The following NEBL variants were observed in gnomAD, a reference collection of about 807,000 sequenced individuals.
NEBL encodes nebulette.
NEBL carries 122 observed loss-of-function variants against 140.2 expected under a neutral mutation model. That is an observed-to-expected ratio of 0.87 (90% confidence interval 0.75 to 1.01). NEBL has a LOEUF of 1.01. NEBL is among the 50% of genes least tolerant of loss of function. The probability of loss-of-function intolerance (pLI) is 0.00; values close to 1 mark genes in which losing one functional copy is unlikely to be tolerated. For synonymous variants in NEBL, 436 were observed against 398.9 expected (o/e 1.09, Z -1.11); for missense variants, 1,365 against 1,231.3 (o/e 1.11, Z -1.62).
chr10:21,155,779 G>C (rs539954410), intron 2 of NEBL, among the ~76,000 whole-genome samples: 1 of 152,296 alleles, frequency 6.6e-6, no homozygotes, highest in East Asian at 1.9e-4. Context: ...GAGGTGCGTT[G>C]GAAAAGCACT....
chr10:21,120,374 C>CA (rs1157067083), intron 2 of NEBL, among the ~76,000 whole-genome samples: 3,561 of 48,234 alleles, frequency 0.074, 160 homozygotes, highest in Non-Finnish European at 0.1. Context: ...GACTGTGTCT[C>CA]AAAAAAAAAA....
intron 4 of NEBL, among the ~76,000 whole-genome samples, chr10:20,909,150 C>CA (rs11410847): frequency 0.74 from 111,984 of 151,912 alleles, 41,522 homozygotes; most frequent in African/African-American, 0.81. Flanking sequence ...GAGTTACAAA[C>CA]ATCCAACTAC....
chr10:20,794,087 G>A (rs922508103), intron 26 of NEBL, among the ~76,000 whole-genome samples: 1 of 152,204 alleles, frequency 6.6e-6, no homozygotes, highest in Non-Finnish European at 1.5e-5. Context: ...TCCAAGTCAA[G>A]AGAAAGCTCA....
At chr10:20,829,353 G>A (rs980856994) in intron 16 of NEBL, among the ~76,000 whole-genome samples, 8 of 149,672 alleles carry the variant, frequency 5.3e-5, no homozygotes. Flanking sequence ...ACCAAACACT[G>A]CATATTCTCA....
chr10:20,845,593 T>G (rs1421708401), intron 11 of NEBL: 1 of 462,530 alleles, frequency 2.2e-6, no homozygotes, highest in African/African-American at 2.0e-5. Context: ...TAAATCATTC[T>G]AAGTGAGGCT....
chr10:21,093,325 C>T (rs1215931778), intron 2 of NEBL, among the ~76,000 whole-genome samples: 2 of 151,720 alleles, frequency 1.3e-5, no homozygotes, highest in African/African-American at 4.8e-5. Context: ...TATCATAGGA[C>T]CATGAGTTGG....
intron 1 of NEBL, among the ~76,000 whole-genome samples, chr10:21,278,820 G>A (rs923239619): frequency 1.3e-5 from 2 of 152,084 alleles, no homozygotes; most frequent in African/African-American, 4.8e-5. Context: ...TCTCTGCAGG[G>A]CCAAGGTTAG....
intron 3 of NEBL, among the ~76,000 whole-genome samples, chr10:20,972,736 A>G (rs1289721180): frequency 2.6e-5 from 4 of 151,718 alleles, no homozygotes; most frequent in African/African-American, 9.7e-5. Context: ...ACAGAGCAAC[A>G]CTCCATCTCA....
chr10:21,038,298 C>G (rs1355912633), intron 2 of NEBL, among the ~76,000 whole-genome samples: 1 of 152,150 alleles, frequency 6.6e-6, no homozygotes, highest in East Asian at 1.9e-4. Context: ...CACCTATCAA[C>G]CCGTTATCTA....
intron 4 of NEBL, among the ~76,000 whole-genome samples, chr10:20,907,106 A>G (rs557164110): frequency 9.1e-4 from 139 of 152,196 alleles, no homozygotes; most frequent in Non-Finnish European, 1.5e-3. Context: ...ACTGGAAATA[A>G]TTGGCTATTT....
At chr10:21,206,132 G>A (rs939131117) in intron 3 of NEBL, among the ~76,000 whole-genome samples, 1 of 152,120 alleles carries the variant, frequency 6.6e-6, no homozygotes, top group Admixed American at 6.5e-5. Context: ...AAAAAGTCCT[G>A]GCCAATAAAA....
At chr10:20,886,545 G>A (rs1241196438) in intron 4 of NEBL, among the ~76,000 whole-genome samples, 4 of 151,960 alleles carry the variant, frequency 2.6e-5, no homozygotes, top group African/African-American at 9.7e-5. Flanking sequence ...AGAAATTCTG[G>A]GGAAAGAAGT....
intron 3 of NEBL, among the ~76,000 whole-genome samples, chr10:21,189,320 C>T (rs942505776): frequency 6.6e-6 from 1 of 152,096 alleles, no homozygotes; most frequent in East Asian, 1.9e-4. Flanking sequence ...GATGCAACCA[C>T]AAGCCAAGGA....
chr10:21,100,067 A>T (rs1322922225), intron 2 of NEBL, among the ~76,000 whole-genome samples: 1 of 152,140 alleles, frequency 6.6e-6, no homozygotes, highest in Non-Finnish European at 1.5e-5. Flanking sequence ...AAACCCCAAA[A>T]CAGGGAGGGG....
At chr10:20,863,789 C>T (rs1324385429) in intron 7 of NEBL, among the ~76,000 whole-genome samples, 8 of 152,114 alleles carry the variant, frequency 5.3e-5, no homozygotes, top group African/African-American at 1.7e-4. Context: ...CACACATACA[C>T]GTATATATTA....
intron 2 of NEBL, among the ~76,000 whole-genome samples, chr10:21,076,710 A>G (rs145977923): frequency 1.3e-5 from 2 of 152,346 alleles, no homozygotes; most frequent in East Asian, 3.9e-4. Flanking sequence ...GATGCATACT[A>G]CAACATGGAT....
intron 3 of NEBL, among the ~76,000 whole-genome samples, chr10:21,184,361 A>G (rs16921657): frequency 3.9e-5 from 6 of 152,178 alleles, no homozygotes; most frequent in Admixed American, 3.3e-4. Flanking sequence ...TTTCACTGAA[A>G]GATCTGGAAA....
intron 13 of NEBL, 33 bp downstream of exon 13, chr10:20,840,704 CAT>C: frequency 1.5e-6 from 2 of 1,373,560 alleles, no homozygotes; most frequent in Non-Finnish European, 2.1e-6. Flanking sequence ...CAGCTAAAAA[CAT>C]ATTCATCTAA....
chr10:21,056,484 A>T (rs1225399982), intron 2 of NEBL, among the ~76,000 whole-genome samples: 1 of 152,242 alleles, frequency 6.6e-6, no homozygotes. Flanking sequence ...AGGAATCAGT[A>T]TATGTAGCCA....
Sources: gnomAD v4.1 joint callset for allele counts (sites outside exome capture counted in the v4.1 genomes callset) on GRCh38, gnomAD v4.1.1 for gene constraint, MANE v1.5 for transcripts, NCBI Gene and HGNC (gene_info 2026-07-23, HGNC 2026-07-21) for gene names.